The following MBD5 variants were observed in gnomAD, a reference collection of about 807,000 sequenced individuals.
The protein encoded by MBD5 is methyl-CpG-binding domain protein 5.
In MBD5, 13 loss-of-function variants were observed where a neutral mutation model predicts 117.3. The ratio of observed to expected loss-of-function variants is 0.11; its 90% CI spans 0.07 to 0.18. The LOEUF is 0.18. MBD5 is among the 10% of genes least tolerant of loss of function. MBD5 has a pLI of 1.00. For synonymous variants in MBD5, 727 were observed against 766.4 expected (o/e 0.95, Z 0.85); for missense variants, 1,879 against 2,093.8 (o/e 0.90, Z 2.00).
chr2:148,027,179 T>C (rs1693920966), intron 1 of MBD5: 1 of 152,162 alleles, frequency 6.6e-6, no homozygotes, highest in Non-Finnish European at 1.5e-5. Context: ...TTCTGGACTC[T>C]ATCATACATT....
intron 1 of MBD5, among the ~76,000 whole-genome samples, chr2:148,158,299 A>C (rs1429652822): frequency 6.6e-6 from 1 of 152,236 alleles, no homozygotes; most frequent in Non-Finnish European, 1.5e-5. Context: ...GCAATTAGAC[A>C]GTTATGCAAA....
chr2:148,507,793 C>T (rs986146153), intron 12 of MBD5, among the ~76,000 whole-genome samples: 3 of 151,318 alleles, frequency 2.0e-5, no homozygotes, highest in African/African-American at 7.3e-5. Context: ...GGCACATAGA[C>T]ATTTTTTAAT....
At chr2:148,209,371 A>G (rs1247397627) in intron 2 of MBD5, among the ~76,000 whole-genome samples, 1 of 152,170 alleles carries the variant, frequency 6.6e-6, no homozygotes, top group Non-Finnish European at 1.5e-5. Flanking sequence ...CCACTATAAA[A>G]GTGGCCCAAG....
intron 3 of MBD5, among the ~76,000 whole-genome samples, chr2:148,323,436 G>A (rs1283072715): frequency 2.6e-5 from 4 of 151,840 alleles, no homozygotes; most frequent in African/African-American, 4.8e-5. Flanking sequence ...CTTCCACAAC[G>A]GTTGAACTAG....
intron 1 of MBD5, among the ~76,000 whole-genome samples, chr2:148,037,992 A>G (rs1558897353): frequency 6.6e-6 from 1 of 152,018 alleles, no homozygotes; most frequent in Admixed American, 6.6e-5. Flanking sequence ...TCTAGGTGAT[A>G]ATAATAAAAG....
chr2:148,061,588 G>C lies in MBD5; in HGVS notation c.-925+39904G>C, dbSNP rs927972926. ...ATAATTAGCCATTCCCTTAATGTTG[G>C]GCCTTAGGTTGTTTACAGTATTTCA... is the stretch of plus-strand genomic sequence containing the variant. On this transcript the variant is annotated intron_variant, in intron 1 of 13. Coordinates refer to ENST00000642680, the MANE Select transcript of MBD5 (RefSeq NM_001378120.1). Among the ~76,000 whole-genome samples the C allele has an allele frequency of 2.0e-5, 3 of 151,630 alleles. No homozygotes were observed. The South Asian group carries it at 6.3e-4, about 32-fold the overall frequency.
chr2:148,229,144 T>C (rs572279818), intron 2 of MBD5, among the ~76,000 whole-genome samples: 29 of 152,162 alleles, frequency 1.9e-4, no homozygotes, highest in Admixed American at 1.3e-4. Context: ...TTTGAGGCTA[T>C]TTTGCAGCCT....
At chr2:148,066,329 A>C (rs1231648657) in intron 1 of MBD5, among the ~76,000 whole-genome samples, 7 of 152,102 alleles carry the variant, frequency 4.6e-5, no homozygotes, top group Admixed American at 1.3e-4. Flanking sequence ...CAGTCAATCA[A>C]TCAATAATAA....
intron 4 of MBD5, among the ~76,000 whole-genome samples, chr2:148,374,203 G>A (rs1215347166): frequency 1.3e-5 from 2 of 149,990 alleles, no homozygotes; most frequent in African/African-American, 4.9e-5. Context: ...TGCACACAAA[G>A]CCCATTTCCT....
At chr2:148,406,462 C>A (rs151322249) in intron 4 of MBD5, among the ~76,000 whole-genome samples, 1 of 152,286 alleles carries the variant, frequency 6.6e-6, no homozygotes, top group East Asian at 1.9e-4. Context: ...ATCACAAAGA[C>A]TTCCAGCAGA....
At chr2:148,210,349 C>CTT (rs199728383) in intron 2 of MBD5, among the ~76,000 whole-genome samples, 1 of 151,078 alleles carries the variant, frequency 6.6e-6, no homozygotes. Flanking sequence ...CTGGTTAATT[C>CTT]TTTTTTTTTG....
At chr2:148,194,711 GTAAC>G (rs760005861) in intron 2 of MBD5, among the ~76,000 whole-genome samples, 29 of 125,252 alleles carry the variant, frequency 2.3e-4, no homozygotes, top group Non-Finnish European at 4.3e-4. Context: ...GTATACATAT[GTAAC>G]TAACCTGCAC....
intron 2 of MBD5, among the ~76,000 whole-genome samples, chr2:148,214,855 G>A (rs1052478656): frequency 3.9e-5 from 6 of 152,058 alleles, no homozygotes; most frequent in African/African-American, 1.4e-4. Context: ...GGCCTCTAAG[G>A]CTCCATTTTC....
chr2:148,087,519 G>A (rs550150400), intron 1 of MBD5, among the ~76,000 whole-genome samples: 52 of 152,282 alleles, frequency 3.4e-4, no homozygotes, highest in Middle Eastern at 3.4e-3. Flanking sequence ...CTGGGAGACC[G>A]GAGTATGGAT....
At chr2:148,392,612 T>C (rs115849445) in intron 4 of MBD5, among the ~76,000 whole-genome samples, 1,745 of 152,278 alleles carry the variant, frequency 0.011, 35 homozygotes, top group African/African-American at 0.04. Flanking sequence ...TGAGAATATT[T>C]TATCTGTCTG....
chr2:148,340,992 A>T (rs921500226), intron 3 of MBD5, among the ~76,000 whole-genome samples: 4 of 152,084 alleles, frequency 2.6e-5, no homozygotes. Flanking sequence ...GCTGTGGCCC[A>T]GAGAAGATAA....
intron 1 of MBD5, among the ~76,000 whole-genome samples, chr2:148,131,669 G>T (rs1326534875): frequency 2.0e-5 from 3 of 152,108 alleles, no homozygotes; most frequent in Non-Finnish European, 4.4e-5. Context: ...GCTCCAGTCT[G>T]GATGACAAAG....
intron 1 of MBD5, among the ~76,000 whole-genome samples, chr2:148,110,468 A>G (rs1696480402): frequency 6.6e-6 from 1 of 152,174 alleles, no homozygotes; most frequent in South Asian, 2.1e-4. Context: ...TAAGACTGAT[A>G]CCTTTCAGAT....
intron 4 of MBD5, among the ~76,000 whole-genome samples, chr2:148,427,147 AAAC>A (rs1277335732): frequency 2.6e-5 from 4 of 152,144 alleles, no homozygotes; most frequent in Non-Finnish European, 4.4e-5. Context: ...AAAAGTCAGG[AAAC>A]AACAGGTGCT....
Sources: gnomAD v4.1 joint callset for allele counts (sites outside exome capture counted in the v4.1 genomes callset) on GRCh38, gnomAD v4.1.1 for gene constraint, MANE v1.5 for transcripts, NCBI Gene and HGNC (gene_info 2026-07-23, HGNC 2026-07-21) for gene names.